Variants in PKHD1 observed in about 807,000 individuals in gnomAD.
PKHD1 encodes fibrocystin.
A neutral mutation model predicts 412.0 loss-of-function variants in PKHD1; 291 were observed. That is an observed-to-expected ratio of 0.71 (90% CI 0.64 to 0.78). The LOEUF is 0.78. PKHD1 is among the 30% of genes least tolerant of loss of function. PKHD1 has a pLI of 0.00. For synonymous variants in PKHD1, 1,777 were observed against 1,821.5 expected (o/e 0.98, Z 0.62); for missense variants, 4,825 against 4,950.7 (o/e 0.97, Z 0.76).
intron 27 of PKHD1, among the ~76,000 whole-genome samples, chr6:52,042,216 T>A (rs1252005197): frequency 6.6e-6 from 1 of 152,100 alleles, no homozygotes; most frequent in African/African-American, 2.4e-5. Context: ...CAGAAAAAAA[T>A]CTGTTCTTTT....
chr6:51,646,970 C>A (rs896680444), intron 63 of PKHD1, among the ~76,000 whole-genome samples: 2 of 152,136 alleles, frequency 1.3e-5, no homozygotes, highest in Non-Finnish European at 1.5e-5. Context: ...CTGCATCTCA[C>A]TGAGAGCGCA....
chr6:51,732,506 A>C (rs918395162), intron 60 of PKHD1, among the ~76,000 whole-genome samples: 1 of 152,232 alleles, frequency 6.6e-6, no homozygotes, highest in Non-Finnish European at 1.5e-5. Flanking sequence ...CATTTCTCCA[A>C]AAAAGATATT....
At chr6:51,909,541 G>A in intron 39 of PKHD1, 67 bp from the exon 40 acceptor site, 1 of 1,197,962 alleles carries the variant, frequency 8.3e-7, no homozygotes, top group Non-Finnish European at 1.2e-6. Flanking sequence ...AAATCTCCCA[G>A]TTTGAAAGGT....
At chr6:51,848,032 C>T in intron 49 of PKHD1, 62 bp from the exon 50 acceptor site, 2 of 1,094,268 alleles carry the variant, frequency 1.8e-6, no homozygotes, top group Non-Finnish European at 2.8e-6. Flanking sequence ...ATTCCACCTA[C>T]TCCACCACAC....
rs548123944 is a variant in PKHD1, at chr6:52,046,610, G to A, written c.2408-422C>T. 3.9e-5 allele frequency among the ~76,000 whole-genome samples: 6 copies of A among 152,336 alleles called. No individual in the cohort carries two copies. In the South Asian group the frequency reaches 6.2e-4, roughly 16 times the overall value. On this transcript the variant is annotated intron_variant, in intron 23 of 66. Transcript: ENST00000371117. ...ACTTTTCACAGGGAGTGAGGGAGGCGTACAGCAGCTGACACCCATAAAAAC... is the reference window on the plus strand; with the variant it reads ...ACTTTTCACAGGGAGTGAGGGAGGCATACAGCAGCTGACACCCATAAAAAC...
rs369879082 is a variant in PKHD1 at position 52,025,496 on chromosome 6, G to T, written c.4314C>A (p.Asp1438Glu). Residue 1438 changes from aspartate to glutamate, a missense_variant, in exon 32 of 67, where the codon GAC becomes GAA. By Grantham distance (45) the Asp-to-Glu change is conservative (BLOSUM62 2). Coordinates refer to ENST00000371117, the MANE Select transcript of PKHD1 (RefSeq NM_138694.4). ...PFTCVILSLG[D>E]HTILCQVSLE... ...GGCTAACCTGGCAGAGAATGGTGTG[G>T]TCTCCCAAACTCAAAATCACACAAG... The T allele has an allele frequency of 4.3e-6, 7 of 1,613,160 alleles. No individual in the cohort carries two copies. Among genetic ancestry groups the T allele is most frequent in the Non-Finnish European group, 5.9e-6 (7 of 1,179,344 alleles).
chr6:51,952,942 C>T (rs1198779214), intron 36 of PKHD1, among the ~76,000 whole-genome samples: 2 of 152,078 alleles, frequency 1.3e-5, no homozygotes, highest in Non-Finnish European at 2.9e-5. Flanking sequence ...TTATACAAGA[C>T]ATTTTCTCCC....
intron 60 of PKHD1, among the ~76,000 whole-genome samples, chr6:51,694,548 C>CTTTTTTTTTTT (rs67157925): frequency 2.7e-5 from 1 of 37,690 alleles, no homozygotes; most frequent in Non-Finnish European, 4.4e-5. Context: ...CACAACCAGC[C>CTTTTTTTTTTT]TTTTTTTTTT....
intron 8 of PKHD1, among the ~76,000 whole-genome samples, chr6:52,071,306 C>T (rs1810578358): frequency 6.6e-6 from 1 of 151,444 alleles, no homozygotes; most frequent in Non-Finnish European, 1.5e-5. Flanking sequence ...CTAACTAGTA[C>T]TACCTTAAGC....
chr6:51,960,763 A>G (rs1791906999), intron 35 of PKHD1, among the ~76,000 whole-genome samples: 1 of 152,126 alleles, frequency 6.6e-6, no homozygotes, highest in Admixed American at 6.6e-5. Flanking sequence ...TACTGACAGA[A>G]GAAGCCAGAA....
chr6:52,007,773 C>T (rs1190660757), intron 35 of PKHD1, among the ~76,000 whole-genome samples: 1 of 152,196 alleles, frequency 6.6e-6, no homozygotes, highest in African/African-American at 2.4e-5. Flanking sequence ...TAACAATTTT[C>T]CCATTATACA....
chr6:52,028,048 C>T, intron 30 of PKHD1, 108 bp downstream of exon 30: 3 of 1,262,598 alleles, frequency 2.4e-6, no homozygotes, highest in African/African-American at 1.5e-5. Context: ...ATGTCTTTAA[C>T]CTCTAACTTC....
chr6:51,715,861 A>C (rs948082232), intron 60 of PKHD1, among the ~76,000 whole-genome samples: 4 of 152,224 alleles, frequency 2.6e-5, no homozygotes, highest in Non-Finnish European at 5.9e-5. Context: ...AGGAATGAGA[A>C]ACAGCAAATT....
At chr6:51,926,721 T>A (rs1343010007) in intron 37 of PKHD1, among the ~76,000 whole-genome samples, 1 of 152,240 alleles carries the variant, frequency 6.6e-6, no homozygotes, top group Non-Finnish European at 1.5e-5. Flanking sequence ...CCAAGGTTAC[T>A]CTTGTCCAGA....
intron 35 of PKHD1, among the ~76,000 whole-genome samples, chr6:51,980,248 G>A (rs1371297599): frequency 6.6e-6 from 1 of 151,992 alleles, no homozygotes; most frequent in Non-Finnish European, 1.5e-5. Context: ...ACTATTTCGT[G>A]GTTTTTTTCA....
Position 52,024,965 on chromosome 6 carries a change from C to T in PKHD1, c.4845G>A (p.Thr1615=), listed in dbSNP as rs750233738. The T allele has an allele frequency of 2.2e-5, 36 of 1,614,078 alleles. No homozygotes were observed. The highest frequency in any genetic ancestry group is 6.7e-5 in the African/African-American group (5 of 74,918). The part of the protein sequence containing the change: ...SVYIDQQTCL[T]VNIGAELIRC... The stretch of plus-strand genomic sequence containing the variant: ...GGATGAGCTCAGCACCGATGTTCAC[C>T]GTCAGGCAGGTCTGCTGGTCAATAT... The change falls in exon 32 of 67, where the codon ACG becomes ACA. Residue 1615 remains threonine, a synonymous_variant. Transcript: ENST00000371117.
intron 21 of PKHD1, among the ~76,000 whole-genome samples, chr6:52,052,010 T>C (rs1186633792): frequency 3.9e-5 from 6 of 152,176 alleles, no homozygotes; most frequent in Non-Finnish European, 7.4e-5. Context: ...GAATCAAAGA[T>C]GATGTAATTT....
At chr6:51,690,101 G>A (rs913451023) in intron 60 of PKHD1, among the ~76,000 whole-genome samples, 22 of 151,568 alleles carry the variant, frequency 1.5e-4, no homozygotes, top group African/African-American at 4.6e-4. Context: ...AAGAAACCCC[G>A]TCTCTACTAA....
intron 60 of PKHD1, among the ~76,000 whole-genome samples, chr6:51,679,567 C>T (rs553384916): frequency 1.3e-5 from 2 of 151,860 alleles, no homozygotes; most frequent in African/African-American, 4.8e-5. Flanking sequence ...AAACCTTCGA[C>T]TGATATTTTA....
Sources: allele counts gnomAD v4.1 joint callset (sites outside exome capture counted in the v4.1 genomes callset), GRCh38; gene constraint gnomAD v4.1.1; transcripts MANE v1.5; gene names NCBI Gene and HGNC (gene_info 2026-07-23, HGNC 2026-07-21).